Variants in MSH6 observed in about 807,000 individuals in gnomAD.
MSH6 encodes the protein DNA mismatch repair protein Msh6.
In MSH6, 85 loss-of-function variants were observed where a neutral mutation model predicts 119.1. The observed-to-expected ratio is 0.71, with a 90% CI of 0.60 to 0.85. MSH6 has a LOEUF of 0.85. Among genes scored for constraint, MSH6 ranks in the 40% least tolerant of loss-of-function variants. MSH6 has a pLI of 0.00. For synonymous variants in MSH6, 830 were observed against 586.9 expected (o/e 1.41, Z -5.99); for missense variants, 2,163 against 1,655.3 (o/e 1.31, Z -5.32).
intron 6 of MSH6, 148 bp downstream of exon 6, chr2:47,805,175 C>G: frequency 1.6e-6 from 1 of 623,912 alleles, no homozygotes; most frequent in Non-Finnish European, 2.8e-6. Flanking sequence ...ACTGCATAGT[C>G]TCTCTCTCTT....
chr2:47,798,152 AT>A (rs1280818513), intron 3 of MSH6: 8 of 172,118 alleles, frequency 4.6e-5, no homozygotes, highest in Middle Eastern at 5.8e-3. Flanking sequence ...AATTGTTTTA[AT>A]GTCAAGTGAA....
At chr2:47,805,728 T>C in intron 7 of MSH6, 21 bp downstream of exon 7, 1 of 1,430,322 alleles carries the variant, frequency 7.0e-7, no homozygotes, top group Non-Finnish European at 9.5e-7. Flanking sequence ...AAACTTCTCA[T>C]TTGAAGACTA....
At chr2:47,807,863 G>A, downstream of MSH6, 1 of 352,436 alleles carries the variant, frequency 2.8e-6, no homozygotes, top group Non-Finnish European at 5.2e-6. Context: ...GTACAAAATT[G>A]CAGCTTATTT....
downstream of MSH6, chr2:47,809,299 G>A (rs1457224340): frequency 7.4e-7 from 1 of 1,353,994 alleles, no homozygotes; most frequent in Non-Finnish European, 1.0e-6. Context: ...TAAAAATTCA[G>A]AGGAATGTTA....
At chr2:47,809,542 CTGATTATCTTTCATGGCATAT>C, downstream of MSH6, 1 of 1,267,410 alleles carries the variant, frequency 7.9e-7, no homozygotes, top group Non-Finnish European at 1.1e-6. Context: ...AAAACGGCTT[CTGATTATCTTTCATGGCATAT>C]TGCATATATT....
At chr2:47,787,804 GA>G (rs1668437429) in intron 1 of MSH6, among the ~76,000 whole-genome samples, 1 of 152,020 alleles carries the variant, frequency 6.6e-6, no homozygotes, top group Non-Finnish European at 1.5e-5. Flanking sequence ...TTTTTTTGTA[GA>G]AACAAGGTCT....
chr2:47,806,825 G>C lies in MSH6; in HGVS notation c.4048G>C (p.Val1350Leu), dbSNP rs772707858. The C allele has an allele frequency of 6.2e-7, 1 of 1,610,164 alleles. No homozygotes were observed. Among genetic ancestry groups the C allele is most frequent in the Non-Finnish European group, 8.5e-7 (1 of 1,178,874 alleles). Residue 1350 changes from valine (V) to leucine (L), a missense_variant, in exon 10 of 10, where the codon GTC becomes CTC. By Grantham distance (32) the Val-to-Leu change is conservative. Transcript: ENST00000234420. ...SERSTVDAEA[V>L]HKLLTLIKEL ...AAGGTCAACTGTAGATGCTGAAGCT[G>C]TCCATAAATTGCTGACTTTGATTAA... is the stretch of plus-strand genomic sequence containing the variant.
rs1379181416 is a variant in MSH6, at chr2:47,806,455, T to C, written c.3805T>C (p.Cys1269Arg). The C allele has an allele frequency of 1.2e-6, 2 of 1,614,096 alleles. No homozygotes were observed. The highest frequency in any genetic ancestry group is 1.7e-5 in the Admixed American group (1 of 60,010). ...NVAVRLGHMA[C>R]MVENECEDPS... is the part of the protein sequence containing the mutation. ...GCTAATATTTTTCTTTCTTAAGGCA[T>C]GCATGGTAGAAAATGAATGTGAAGA... is the stretch of plus-strand genomic sequence containing the variant. Residue 1269 changes from cysteine (C) to arginine (R), a missense_variant, in exon 9 of 10, where the codon TGC becomes CGC. Physicochemically the swap from Cys to Arg is radical, Grantham distance 180. Coordinates refer to ENST00000234420, the MANE Select transcript of MSH6 (RefSeq NM_000179.3).
intron 6 of MSH6, 152 bp downstream of exon 6, chr2:47,805,179 C>CT: frequency 1.6e-6 from 1 of 631,512 alleles, no homozygotes. Flanking sequence ...CATAGTCTCT[C>CT]TCTCTTTTTT....
Position 47,805,600 on chromosome 2 carries a change from G to A in MSH6, c.3557-18G>A, listed in dbSNP as rs761188248. 1.5e-6 allele frequency: 2 copies of A among 1,306,624 alleles called. No individual in the cohort carries two copies. The highest frequency in any genetic ancestry group is 2.2e-6 in the Non-Finnish European group (2 of 903,478). The allele number at this position is 1,306,624 out of a possible 1,614,324, so 80.9% of individuals were successfully genotyped here. On this transcript the variant is annotated intron_variant, in intron 6 of 9. Coordinates refer to ENST00000234420, the MANE Select transcript of MSH6 (RefSeq NM_000179.3). ...ATTTGCAAAATGAGTATTCATTTGT[G>A]ATTTTTTTTTTTTTAAGGTGAAAGT... is the stretch of plus-strand genomic sequence containing the variant.
intron 9 of MSH6, 28 bp from the exon 10 acceptor site, chr2:47,806,751 C>CTTCTTT (rs1553333916): frequency 2.8e-6 from 4 of 1,444,646 alleles, no homozygotes; most frequent in Admixed American, 4.0e-5. Flanking sequence ...AACAAAAAAA[C>CTTCTTT]TTTTTTTTTT....
chr2:47,798,537 A>T, intron 3 of MSH6, 74 bp from the exon 4 acceptor site: 1 of 1,524,696 alleles, frequency 6.6e-7, no homozygotes, highest in Non-Finnish European at 8.9e-7. Flanking sequence ...TCAAAAAATC[A>T]TAAGTTGAAC....
chr2:47,798,622 T>C lies in MSH6; in HGVS notation c.639T>C (p.Thr213=). The C allele has an allele frequency of 1.2e-6, 2 of 1,610,642 alleles. No homozygotes were observed. Among genetic ancestry groups the C allele is most frequent in the Non-Finnish European group, 1.7e-6 (2 of 1,179,934 alleles). ...EEEEEMEVGT[T]YVTDKSEEDN... ...TCCTTGCCTGGCAGGTAGGCACAACTTACGTAACAGATAAGAGTGAAGAAG... is the reference window on the plus strand; with the variant it reads ...TCCTTGCCTGGCAGGTAGGCACAACCTACGTAACAGATAAGAGTGAAGAAG... The change falls in exon 4 of 10, where the codon ACT becomes ACC. Residue 213 remains threonine (T), a synonymous_variant. Transcript: ENST00000234420.
chr2:47,799,797 C>T lies in MSH6; in HGVS notation c.1814C>T (p.Thr605Ile). 1 of 1,614,180 alleles carries T rather than the reference C, an allele frequency of 6.2e-7. No individual in the cohort carries two copies. The highest frequency in any genetic ancestry group is 2.2e-5 in the East Asian group (1 of 44,886). Reference protein sequence around the residue: ...LFEKGNLSKETKTILKSSLSC... With the variant: ...LFEKGNLSKEIKTILKSSLSC... ...GAAAAAGGAAATCTCTCAAAGGAAACTAAAACAATTCTAAAGAGTTCATTG... is the reference window on the plus strand; with the variant it reads ...GAAAAAGGAAATCTCTCAAAGGAAATTAAAACAATTCTAAAGAGTTCATTG... The change falls in exon 4 of 10, where the codon ACT becomes ATT. Residue 605 changes from threonine (T) to isoleucine (I), a missense_variant. Thr to Ile is a moderately conservative substitution (Grantham distance 89, BLOSUM62 -1). Coordinates refer to ENST00000234420, the MANE Select transcript of MSH6 (RefSeq NM_000179.3).
downstream of MSH6, chr2:47,809,544 G>A (rs75175886): frequency 2.0e-4 from 264 of 1,289,010 alleles, 2 homozygotes; most frequent in East Asian, 5.4e-3. Context: ...AACGGCTTCT[G>A]ATTATCTTTC....
intron 6 of MSH6, 108 bp downstream of exon 6, chr2:47,805,135 G>A (rs976691759): frequency 6.2e-6 from 5 of 807,976 alleles, no homozygotes; most frequent in Non-Finnish European, 1.1e-5. Context: ...GATTTTTCTG[G>A]TGTTACTTTA....
At chr2:47,804,518 AAG>A (rs1207951821) in intron 5 of MSH6, among the ~76,000 whole-genome samples, 6 of 137,956 alleles carry the variant, frequency 4.3e-5, no homozygotes, top group Admixed American at 3.7e-4. Context: ...AATCACCTGA[AAG>A]AATGTGACAA....
chr2:47,807,773 TCTATTGAAGATTA>T (rs920365294), downstream of MSH6: 5 of 251,816 alleles, frequency 2.0e-5, no homozygotes, highest in African/African-American at 1.1e-4. Flanking sequence ...AAGCTGCTTG[TCTATTGAAGATTA>T]CTACTGCAAA....
chr2:47,805,754 T>A (rs2104528568), intron 7 of MSH6, 47 bp downstream of exon 7: 1 of 1,322,462 alleles, frequency 7.6e-7, no homozygotes, highest in Non-Finnish European at 1.1e-6. Context: ...CTTAAAAACA[T>A]TTGTACAAAT....
Sources: allele counts gnomAD v4.1 joint callset (sites outside exome capture counted in the v4.1 genomes callset), GRCh38; gene constraint gnomAD v4.1.1; transcripts MANE v1.5; gene names NCBI Gene and HGNC (gene_info 2026-07-23, HGNC 2026-07-21).